The following SAMD7 variants were observed in gnomAD, a reference collection of about 807,000 sequenced individuals.
SAMD7 encodes sterile alpha motif domain-containing protein 7.
Under a neutral mutation model 36.7 loss-of-function variants are expected in SAMD7, and 34 were observed. That is an observed-to-expected ratio of 0.93 (90% CI 0.71 to 1.23). The LOEUF (loss-of-function observed/expected upper bound fraction) is 1.23, where lower values mean the gene tolerates loss of function less well. Ranked by LOEUF, SAMD7 falls within the 50% of genes most tolerant of loss-of-function variation. SAMD7 has a pLI of 0.00. For missense variants in SAMD7, 570 were observed against 546.6 expected (o/e 1.04, Z -0.43); for synonymous variants, 188 against 189.7 (o/e 0.99, Z 0.07).
intron 2 of SAMD7, among the ~76,000 whole-genome samples, chr3:169,917,577 A>G (rs917098329): frequency 1.3e-5 from 2 of 152,010 alleles, no homozygotes; most frequent in African/African-American, 2.4e-5. Context: ...ATTTCTTTGT[A>G]TTACAAACAA....
intron 4 of SAMD7, among the ~76,000 whole-genome samples, chr3:169,924,714 A>T (rs1713183018): frequency 6.6e-6 from 1 of 152,252 alleles, no homozygotes; most frequent in South Asian, 2.1e-4. Context: ...ATCAAGTGGT[A>T]CCCAAAAAAT....
rs780318764 is a variant in SAMD7 at position 169,928,481 on chromosome 3, G to T, written c.944G>T (p.Gly315Val). Residue 315 changes from glycine (G) to valine (V), a missense_variant, in exon 7 of 9, where the codon GGG becomes GTG. Gly to Val is a moderately radical substitution (Grantham distance 109). Coordinates refer to ENST00000335556, the MANE Select transcript of SAMD7 (RefSeq NM_001304366.2). ...GGAACACATGCACTGGTTACAATTGGGGGGAATCTTTCTTTGGATGAAGAT... is the reference window on the plus strand; with the variant it reads ...GGAACACATGCACTGGTTACAATTGTGGGGAATCTTTCTTTGGATGAAGAT... ...LPGTHALVTI[G>V]GNLSLDEDIQ... 1 of 1,612,722 alleles carries T rather than the reference G, an allele frequency of 6.2e-7. No individual in the cohort carries two copies. The highest frequency in any genetic ancestry group is 1.1e-5 in the South Asian group (1 of 91,046).
At position 169,927,211 on chromosome 3, in the gene SAMD7, T is replaced by C. The variant is rs567818992; in HGVS notation, c.919+30T>C. On this transcript the variant is annotated intron_variant, in intron 6 of 8. Transcript: ENST00000335556. ...GTGTCCAGGGGCCAATGGCAGATCC[T>C]CATTAACTACAGGTTGCCAAGTCCG... The C allele has an allele frequency of 8.6e-5, 128 of 1,485,084 alleles. 1 individual carries two copies. The South Asian group carries it at 1.6e-3, about 19-fold the overall frequency. 92.0% of individuals were successfully genotyped at this position (1,485,084 alleles called of 1,614,324 possible).
rs1411752490 is a variant in SAMD7 at position 169,915,402 on chromosome 3, A to G, written c.-81A>G. The G allele has an allele frequency of 6.6e-6, 1 of 151,866 alleles. No individual in the cohort carries two copies. The highest frequency in any genetic ancestry group is 2.4e-5 in the African/African-American group (1 of 41,332). The allele number at this position is 151,866 out of a possible 1,614,324, so 9.4% of individuals were successfully genotyped here. ...GGGGATTCCAAAGTAAGACAATCTC[A>G]TCTCCTTTTGGTGATTCATCTCCAC... On this transcript the variant is annotated 5_prime_UTR_variant, in exon 2 of 9. Transcript: ENST00000335556.
At position 169,926,855 on chromosome 3, in the gene SAMD7, C is replaced by T. The variant is rs1265628012; in HGVS notation, c.593C>T (p.Ala198Val). ...AATCAAAAAGCTCTAGACAGTGATG[C>T]TGAGAGTTCCAAAAGTCAAGCAGAA... ...TGNQKALDSD[A>V]ESSKSQAEEK... The change falls in exon 6 of 9, where the codon GCT becomes GTT. Residue 198 changes from alanine to valine, a missense_variant. Ala to Val is a moderately conservative substitution (Grantham distance 64). Coordinates refer to ENST00000335556, the MANE Select transcript of SAMD7 (RefSeq NM_001304366.2). The T allele has an allele frequency of 6.2e-7, 1 of 1,613,824 alleles. No homozygotes were observed. The highest frequency in any genetic ancestry group is 8.5e-7 in the Non-Finnish European group (1 of 1,179,950).
chr3:169,929,028 C>G (rs1713386666), intron 7 of SAMD7, among the ~76,000 whole-genome samples: 1 of 152,162 alleles, frequency 6.6e-6, no homozygotes, highest in African/African-American at 2.4e-5. Context: ...AAGGCAATAT[C>G]TGAAAAGTTA....
At chr3:169,920,001 C>T (rs1476330472) in intron 3 of SAMD7, among the ~76,000 whole-genome samples, 2 of 152,090 alleles carry the variant, frequency 1.3e-5, no homozygotes, top group Admixed American at 6.6e-5. Flanking sequence ...GGAGAAACCC[C>T]ATCTCTACTA....
intron 2 of SAMD7, among the ~76,000 whole-genome samples, chr3:169,915,643 G>A (rs1041617994): frequency 6.2e-5 from 9 of 144,054 alleles, no homozygotes; most frequent in African/African-American, 1.6e-4. Flanking sequence ...GGAGTGCAGC[G>A]GTGCGATCTT....
intron 7 of SAMD7, among the ~76,000 whole-genome samples, chr3:169,931,350 G>A (rs1337557495): frequency 1.3e-5 from 2 of 152,180 alleles, no homozygotes; most frequent in African/African-American, 4.8e-5. Context: ...CAGGCCCTGA[G>A]TACATCCACC....
chr3:169,923,831 A>T (rs1374992113), intron 4 of SAMD7, among the ~76,000 whole-genome samples: 1 of 152,214 alleles, frequency 6.6e-6, no homozygotes. Flanking sequence ...GCAAAATAGA[A>T]ACTAAGACAG....
intron 4 of SAMD7, 44 bp from the exon 5 acceptor site, chr3:169,925,014 T>C (rs1713196626): frequency 1.7e-6 from 2 of 1,179,832 alleles, no homozygotes; most frequent in Admixed American, 2.1e-5. Flanking sequence ...AAATGCATGT[T>C]TTTAATTTAT....
At chr3:169,916,673 G>A (rs1291919379) in intron 2 of SAMD7, among the ~76,000 whole-genome samples, 1 of 152,036 alleles carries the variant, frequency 6.6e-6, no homozygotes, top group East Asian at 1.9e-4. Context: ...ACAAAATAGA[G>A]CCTGTAACAT....
chr3:169,920,624 T>G (rs1713003811), intron 3 of SAMD7, among the ~76,000 whole-genome samples: 2 of 152,208 alleles, frequency 1.3e-5, no homozygotes, highest in Admixed American at 1.3e-4. Flanking sequence ...AAAAAGTAAA[T>G]TATAAGTATT....
At chr3:169,932,503 G>A (rs776573289) in intron 7 of SAMD7, 2 of 571,514 alleles carry the variant, frequency 3.5e-6, no homozygotes, top group Non-Finnish European at 6.9e-6. Flanking sequence ...TGCTGATGGT[G>A]GGCAGATCCG....
At chr3:169,915,736 C>G (rs1257141325) in intron 2 of SAMD7, among the ~76,000 whole-genome samples, 2 of 151,576 alleles carry the variant, frequency 1.3e-5, no homozygotes, top group African/African-American at 2.4e-5. Context: ...AGGCGCCACA[C>G]CCGGCTAATT....
intron 7 of SAMD7, chr3:169,932,983 C>A: frequency 1.4e-6 from 1 of 714,944 alleles, no homozygotes; most frequent in South Asian, 1.4e-5. Flanking sequence ...GCATTCTTTC[C>A]CCCCCTCTAT....
intron 6 of SAMD7, 64 bp from the exon 7 acceptor site, chr3:169,928,392 GA>G (rs1299557181): frequency 2.1e-5 from 30 of 1,429,220 alleles, no homozygotes; most frequent in Non-Finnish European, 2.7e-5. Context: ...AGAATATAAG[GA>G]AATTAATGTA....
chr3:169,931,554 A>C (rs115051434), intron 7 of SAMD7, among the ~76,000 whole-genome samples: 2,103 of 152,206 alleles, frequency 0.014, 45 homozygotes, highest in African/African-American at 0.048. Context: ...TCCTGGGCTC[A>C]AGTGATCCTC....
At chr3:169,938,193 A>G in intron 8 of SAMD7, 125 bp from the exon 9 acceptor site, 1 of 642,490 alleles carries the variant, frequency 1.6e-6, no homozygotes, top group Non-Finnish European at 2.7e-6. Flanking sequence ...TGTGACCCCC[A>G]CAACTATATG....
Sources: allele counts gnomAD v4.1 joint callset (sites outside exome capture counted in the v4.1 genomes callset), GRCh38; gene constraint gnomAD v4.1.1; transcripts MANE v1.5; gene names NCBI Gene and HGNC (gene_info 2026-07-23, HGNC 2026-07-21).